Variants in LRRC72 observed in about 807,000 individuals in gnomAD.
The protein encoded by LRRC72 is leucine-rich repeat-containing protein 72.
In LRRC72, 41 loss-of-function variants were observed where a neutral mutation model predicts 35.8. That is an observed-to-expected ratio of 1.15 (90% CI 0.89 to 1.49). The LOEUF is 1.49. Among genes scored for constraint, LRRC72 ranks in the 40% most tolerant of loss-of-function variants. The pLI is 0.00. For missense variants in LRRC72, 389 were observed against 330.7 expected (o/e 1.18, Z -1.37); for synonymous variants, 118 against 119.2 (o/e 0.99, Z 0.07).
chr7:16,554,036 T>C (rs1356720533), intron 3 of LRRC72, among the ~76,000 whole-genome samples: 1 of 152,160 alleles, frequency 6.6e-6, no homozygotes, highest in Non-Finnish European at 1.5e-5. Flanking sequence ...ATAATAATAA[T>C]AACATTTTAC....
chr7:16,535,759 A>G (rs1782243010), intron 2 of LRRC72, among the ~76,000 whole-genome samples: 1 of 152,254 alleles, frequency 6.6e-6, no homozygotes, highest in Admixed American at 6.5e-5. Flanking sequence ...ATTGAGAAGT[A>G]GACGTGATCT....
chr7:16,573,495 T>A (rs1013894800), intron 7 of LRRC72, among the ~76,000 whole-genome samples: 1 of 152,020 alleles, frequency 6.6e-6, no homozygotes, highest in Admixed American at 6.6e-5. Flanking sequence ...TCAGAAATAA[T>A]GCCACACATC....
chr7:16,533,739 A>G (rs1372378227), intron 2 of LRRC72, among the ~76,000 whole-genome samples: 1 of 152,124 alleles, frequency 6.6e-6, no homozygotes, highest in Non-Finnish European at 1.5e-5. Flanking sequence ...CTTGGTAGTA[A>G]AGGAATAAAT....
At chr7:16,557,685 T>G (rs1205757491) in intron 4 of LRRC72, among the ~76,000 whole-genome samples, 1 of 152,226 alleles carries the variant, frequency 6.6e-6, no homozygotes, top group Non-Finnish European at 1.5e-5. Context: ...ACAGGTATTT[T>G]AGACATAAAC....
At chr7:16,574,890 C>T (rs986008995) in intron 7 of LRRC72, among the ~76,000 whole-genome samples, 4 of 151,882 alleles carry the variant, frequency 2.6e-5, no homozygotes, top group Middle Eastern at 6.8e-3. Context: ...CCAAGGCAGG[C>T]GGATAATTTG....
chr7:16,546,791 C>T (rs1170042347), intron 3 of LRRC72, among the ~76,000 whole-genome samples: 1 of 152,054 alleles, frequency 6.6e-6, no homozygotes, highest in East Asian at 1.9e-4. Flanking sequence ...TGCAGTGGCC[C>T]TCTCCCTTCC....
chr7:16,528,413 A>G (rs1190563843), intron 1 of LRRC72, among the ~76,000 whole-genome samples: 2 of 151,774 alleles, frequency 1.3e-5, no homozygotes, highest in Non-Finnish European at 2.9e-5. Context: ...CAGGGCCTCA[A>G]TTTCAGCATT....
intron 7 of LRRC72, among the ~76,000 whole-genome samples, chr7:16,569,125 C>A (rs935566285): frequency 2.6e-5 from 4 of 152,120 alleles, no homozygotes; most frequent in African/African-American, 9.7e-5. Context: ...TGACGCTTTG[C>A]CTCTTTATTT....
At chr7:16,571,311 C>T (rs1261142364) in intron 7 of LRRC72, among the ~76,000 whole-genome samples, 1 of 152,146 alleles carries the variant, frequency 6.6e-6, no homozygotes, top group African/African-American at 2.4e-5. Context: ...TCCTTATACC[C>T]CCCTCCCTTT....
intron 3 of LRRC72, among the ~76,000 whole-genome samples, chr7:16,549,675 G>A (rs1325509571): frequency 1.3e-5 from 2 of 152,172 alleles, no homozygotes; most frequent in East Asian, 1.9e-4. Flanking sequence ...TCAAGGTCAT[G>A]AATCCATGCC....
At chr7:16,530,087 T>C (rs1279380762) in intron 1 of LRRC72, 2 of 152,216 alleles carry the variant, frequency 1.3e-5, no homozygotes, top group Non-Finnish European at 2.9e-5. Context: ...TTTAGATGTC[T>C]AGATATCTGT....
intron 1 of LRRC72, among the ~76,000 whole-genome samples, chr7:16,527,932 G>A (rs1307658379): frequency 6.6e-6 from 1 of 152,022 alleles, no homozygotes; most frequent in Non-Finnish European, 1.5e-5. Context: ...TCGGGTGGTG[G>A]AAGAAGCAGC....
intron 5 of LRRC72, among the ~76,000 whole-genome samples, chr7:16,562,338 C>T (rs928040194): frequency 6.6e-6 from 1 of 152,178 alleles, no homozygotes; most frequent in African/African-American, 2.4e-5. Context: ...TAACTCCTGC[C>T]CCCTTTCCAG....
chr7:16,574,613 G>C (rs557655473), intron 7 of LRRC72, among the ~76,000 whole-genome samples: 21 of 151,872 alleles, frequency 1.4e-4, no homozygotes, highest in African/African-American at 4.8e-4. Flanking sequence ...ACACATGGAC[G>C]CAGGGAGAGG....
chr7:16,569,381 C>G (rs935498571), intron 7 of LRRC72, among the ~76,000 whole-genome samples: 2 of 152,012 alleles, frequency 1.3e-5, no homozygotes, highest in African/African-American at 4.8e-5. Flanking sequence ...AGCCATTGCA[C>G]TCTAGCCTGG....
At position 16,581,500 on chromosome 7, in the gene LRRC72, T is replaced by TTCTAGATA. The variant is rs1301159872; in HGVS notation, c.*15_*22dup. 10 of 1,533,410 alleles carry TTCTAGATA rather than the reference T, an allele frequency of 6.5e-6. No homozygotes were observed. The highest frequency in any genetic ancestry group is 3.4e-4 in the Middle Eastern group (2 of 5,918). The allele number at this position is 1,533,410 out of a possible 1,614,324, so 95.0% of individuals were successfully genotyped here. A position where few individuals can be genotyped will look rare whatever the true frequency, so the allele number is the denominator to read the frequency against. ...GTTACACTGAGATAAGCCCTGGTAT[T>TTCTAGATA]TCTAGATATCTTAGTGGTTTTCAGT... is the stretch of plus-strand genomic sequence containing the variant. On this transcript the variant is annotated 3_prime_UTR_variant, in exon 9 of 9. Coordinates refer to ENST00000401542, the MANE Select transcript of LRRC72 (RefSeq NM_001195280.2).
At chr7:16,546,386 T>G (rs538664658) in intron 3 of LRRC72, among the ~76,000 whole-genome samples, 9 of 152,194 alleles carry the variant, frequency 5.9e-5, no homozygotes, top group African/African-American at 2.2e-4. Context: ...TTCAGGATGC[T>G]CAGCAGCATC....
chr7:16,532,581 A>C lies in LRRC72; in HGVS notation c.164+13A>C. The C allele has an allele frequency of 6.6e-7, 1 of 1,520,688 alleles. No homozygotes were observed. The highest frequency in any genetic ancestry group is 1.2e-5 in the South Asian group (1 of 83,456). The allele number at this position is 1,520,688 out of a possible 1,614,324, so 94.2% of individuals were successfully genotyped here. ...TCCTTTCTAAAAAGTAAGTGTACTT[A>C]ACATAAAAAATGAAAGAGTATCATG... On this transcript the variant is annotated intron_variant, in intron 2 of 8. Coordinates refer to ENST00000401542, the MANE Select transcript of LRRC72 (RefSeq NM_001195280.2).
chr7:16,571,316 C>T, intron 7 of LRRC72, among the ~76,000 whole-genome samples: 1 of 152,148 alleles, frequency 6.6e-6, no homozygotes, highest in Non-Finnish European at 1.5e-5. Context: ...ATACCCCCCT[C>T]CCTTTTGGAA....
Sources: allele counts gnomAD v4.1 joint callset (sites outside exome capture counted in the v4.1 genomes callset), GRCh38; gene constraint gnomAD v4.1.1; transcripts MANE v1.5; gene names NCBI Gene and HGNC (gene_info 2026-07-23, HGNC 2026-07-21).